SESN2: variants seen among roughly 807,000 people sequenced by gnomAD.
SESN2 encodes sestrin-2.
SESN2 carries 42 observed loss-of-function variants against 56.0 expected under a neutral mutation model. The ratio of observed to expected loss-of-function variants is 0.75; its 90% confidence interval spans 0.59 to 0.97. The LOEUF is 0.97. SESN2 is among the 50% of genes least tolerant of loss of function. SESN2 has a pLI of 0.00. For missense variants in SESN2, 507 were observed against 649.4 expected (o/e 0.78, Z 2.38); for synonymous variants, 264 against 267.1 (o/e 0.99, Z 0.11).
At position 28,259,756 on chromosome 1, in the gene SESN2, G is replaced by A; in HGVS notation, c.-92G>A. On this transcript the variant is annotated 5_prime_UTR_variant, in exon 1 of 10. Coordinates refer to ENST00000253063, the MANE Select transcript of SESN2 (RefSeq NM_031459.5). The stretch of plus-strand genomic sequence containing the variant: ...CCGGGGTTCTAGAAGCTCCCCGGCG[G>A]CGCCCAGTCCCGGCTTCATTCGGGC... 1.0e-6 allele frequency: 1 copy of A among 981,560 alleles called. No individual in the cohort carries two copies. Among genetic ancestry groups the A allele is most frequent in the South Asian group, 2.1e-5 (1 of 47,276 alleles). 60.8% of individuals were successfully genotyped at this position (981,560 alleles called of 1,614,324 possible).
intron 3 of SESN2, 28 bp from the exon 4 acceptor site, chr1:28,272,256 A>C: frequency 3.1e-6 from 5 of 1,608,346 alleles, no homozygotes; most frequent in Non-Finnish European, 4.3e-6. Context: ...GAGGAGGGTG[A>C]CTCAGGCTGT....
chr1:28,280,640 G>A, intron 9 of SESN2, 76 bp from the exon 10 acceptor site: 1 of 1,154,172 alleles, frequency 8.7e-7, no homozygotes, highest in Non-Finnish European at 1.3e-6. Context: ...AGTGGGTCAG[G>A]GATCAAGGCA....
chr1:28,272,461 A>G lies in SESN2; in HGVS notation c.532A>G (p.Ile178Val), dbSNP rs761838550. The stretch of plus-strand genomic sequence containing the variant: ...GCCATGGCTCATCACCAAGGAACAC[A>G]TCCAGGTGCAGGGGGCAGAGAGGCG... ...HRPWLITKEH[I>V]QALLKTGEHT... Residue 178 changes from isoleucine to valine, a missense_variant, in exon 4 of 10, where the codon ATC becomes GTC. Physicochemically the swap from Ile to Val is conservative, Grantham distance 29. Transcript: ENST00000253063. 6.8e-6 allele frequency: 11 copies of G among 1,612,906 alleles called. No homozygotes were observed. Among genetic ancestry groups the G allele is most frequent in the East Asian group, 6.7e-5 (3 of 44,864 alleles).
In SESN2 at chr1:28,281,149, G is replaced by T. The variant is rs1441532615; in HGVS notation, c.*347G>T. 3 of 205,778 alleles carry T rather than the reference G, an allele frequency of 1.5e-5. No homozygotes were observed. The highest frequency in any genetic ancestry group is 2.9e-5 in the Non-Finnish European group (3 of 103,072). The allele number at this position is 205,778 out of a possible 1,614,324, so 12.7% of individuals were successfully genotyped here. A position where few individuals can be genotyped will look rare whatever the true frequency, so the allele number is the denominator to read the frequency against. Reference sequence around the variant, plus strand: ...ACAAGTGTTGTGGCCTTCCTGAACTGGGAAGTCCCTGGCTGGCCCCCGGGG... The same window carrying T: ...ACAAGTGTTGTGGCCTTCCTGAACTTGGAAGTCCCTGGCTGGCCCCCGGGG... On this transcript the variant is annotated 3_prime_UTR_variant, in exon 10 of 10. Transcript: ENST00000253063.
At position 28,280,890 on chromosome 1, in the gene SESN2, C is replaced by A; in HGVS notation, c.*88C>A. 1.0e-6 allele frequency: 1 copy of A among 958,614 alleles called. No homozygotes were observed. The highest frequency in any genetic ancestry group is 2.4e-5 in the East Asian group (1 of 41,302). 59.4% of individuals were successfully genotyped at this position (958,614 alleles called of 1,614,324 possible). A position where few individuals can be genotyped will look rare whatever the true frequency, so the allele number is the denominator to read the frequency against. On this transcript the variant is annotated 3_prime_UTR_variant, in exon 10 of 10. Coordinates refer to ENST00000253063, the MANE Select transcript of SESN2 (RefSeq NM_031459.5). Reference sequence around the variant, plus strand: ...CCCAGACCCTTTTGTGTCCCATGCCCACCCTCCCCACGCTGCAGTGGGCTT... The same window carrying A: ...CCCAGACCCTTTTGTGTCCCATGCCAACCCTCCCCACGCTGCAGTGGGCTT...
intron 2 of SESN2, 103 bp from the exon 3 acceptor site, chr1:28,271,570 GT>G: frequency 1.2e-6 from 1 of 806,734 alleles, no homozygotes; most frequent in South Asian, 1.5e-5. Context: ...CACGGTGGTG[GT>G]TTTTAGTTTC....
At chr1:28,277,522 T>C (rs1648094472) in intron 8 of SESN2, among the ~76,000 whole-genome samples, 1 of 152,120 alleles carries the variant, frequency 6.6e-6, no homozygotes, top group Admixed American at 6.6e-5. Context: ...GGCACCTTTC[T>C]TTTTTTCTAT....
intron 1 of SESN2, among the ~76,000 whole-genome samples, chr1:28,264,955 A>G (rs1647506430): frequency 6.6e-6 from 1 of 152,200 alleles, no homozygotes; most frequent in Non-Finnish European, 1.5e-5. Context: ...TGAGAAGTTT[A>G]GAGAATGGGG....
At chr1:28,276,611 A>G (rs528211010) in intron 8 of SESN2, among the ~76,000 whole-genome samples, 96 of 86,328 alleles carry the variant, frequency 1.1e-3, no homozygotes, top group African/African-American at 4.9e-3. Flanking sequence ...CAGAGTTTCA[A>G]TCTTGTTGCC....
chr1:28,271,373 G>A (rs1265562920), intron 2 of SESN2, among the ~76,000 whole-genome samples: 1 of 152,156 alleles, frequency 6.6e-6, no homozygotes, highest in Non-Finnish European at 1.5e-5. Context: ...ACCTAAAAGT[G>A]GAGAAACAGA....
intron 1 of SESN2, among the ~76,000 whole-genome samples, chr1:28,264,579 C>T (rs899465147): frequency 1.3e-5 from 2 of 152,122 alleles, no homozygotes; most frequent in Non-Finnish European, 2.9e-5. Context: ...TGTTCTGTTA[C>T]GTGGAACTGG....
intron 8 of SESN2, among the ~76,000 whole-genome samples, chr1:28,278,853 C>G (rs1648136901): frequency 6.6e-6 from 1 of 152,184 alleles, no homozygotes; most frequent in Non-Finnish European, 1.5e-5. Flanking sequence ...TTCCACATGG[C>G]ACATAGTTGG....
intron 7 of SESN2, among the ~76,000 whole-genome samples, 194 bp from the exon 8 acceptor site, chr1:28,274,631 A>C (rs1288420161): frequency 1.3e-5 from 2 of 152,166 alleles, no homozygotes; most frequent in African/African-American, 4.8e-5. Flanking sequence ...CCCTAAGCTC[A>C]GGGGTTGCTG....
chr1:28,279,455 A>C (rs1410779165), intron 9 of SESN2, among the ~76,000 whole-genome samples: 1 of 152,188 alleles, frequency 6.6e-6, no homozygotes, highest in East Asian at 1.9e-4. Context: ...CCTGCTTCAC[A>C]TTAGTGGTAG....
chr1:28,279,412 T>C (rs1648158737), intron 9 of SESN2, among the ~76,000 whole-genome samples, 171 bp downstream of exon 9: 1 of 152,222 alleles, frequency 6.6e-6, no homozygotes, highest in African/African-American at 2.4e-5. Flanking sequence ...TTTCAGAGTC[T>C]GTTTACTCAC....
chr1:28,279,182 G>C lies in SESN2; in HGVS notation c.1297G>C (p.Glu433Gln). 5 of 1,614,206 alleles carry C rather than the reference G, an allele frequency of 3.1e-6. No homozygotes were observed. Among genetic ancestry groups the C allele is most frequent in the Non-Finnish European group, 4.2e-6 (5 of 1,180,042 alleles). The stretch of plus-strand genomic sequence containing the variant: ...TATCAAGACAGTGGCCTGCTACCCA[G>C]AGAAGACCACCCGAAGAATGTACAA... Reference protein sequence around the residue: ...VYIKTVACYPEKTTRRMYNLF... With the variant: ...VYIKTVACYPQKTTRRMYNLF... Residue 433 changes from glutamate to glutamine, a missense_variant, in exon 9 of 10, where the codon GAG becomes CAG. By Grantham distance (29) the Glu-to-Gln change is conservative. Transcript: ENST00000253063.
intron 1 of SESN2, 90 bp from the exon 2 acceptor site, chr1:28,269,093 G>C: frequency 1.1e-6 from 1 of 892,534 alleles, no homozygotes; most frequent in Non-Finnish European, 1.8e-6. Context: ...CTTCAGTGTA[G>C]CCCCTTGGAT....
At chr1:28,272,183 G>T in intron 3 of SESN2, 101 bp from the exon 4 acceptor site, 1 of 1,235,374 alleles carries the variant, frequency 8.1e-7, no homozygotes. Context: ...CTGCCTCTTG[G>T]GGAACAGTGA....
intron 2 of SESN2, 98 bp from the exon 3 acceptor site, chr1:28,271,576 A>G (rs1007831163): frequency 2.9e-5 from 25 of 854,200 alleles, no homozygotes; most frequent in African/African-American, 2.7e-4. Context: ...GGTGGTTTTT[A>G]GTTTCTTGCC....
Sources: gnomAD v4.1 joint callset for allele counts (sites outside exome capture counted in the v4.1 genomes callset) on GRCh38, gnomAD v4.1.1 for gene constraint, MANE v1.5 for transcripts, NCBI Gene and HGNC (gene_info 2026-07-23, HGNC 2026-07-21) for gene names.